Variants in MYOZ1 observed in about 807,000 individuals in gnomAD.
MYOZ1 encodes myozenin 1.
A neutral mutation model predicts 28.7 loss-of-function variants in MYOZ1; 20 were observed. The ratio of observed to expected loss-of-function variants is 0.70; its 90% CI spans 0.49 to 1.01. The LOEUF (loss-of-function observed/expected upper bound fraction) is 1.01. MYOZ1 is among the 50% of genes least tolerant of loss of function. The pLI is 0.00. For synonymous variants in MYOZ1, 144 were observed against 145.8 expected, an observed-to-expected ratio of 0.99 and a Z score of 0.09; for missense variants, 371 against 372.4, an observed-to-expected ratio of 1.00 and a Z score of 0.03.
At chr10:73,637,954 GA>G (rs2081677462) in intron 2 of MYOZ1, 32 bp from the exon 3 acceptor site, 1 of 1,590,558 alleles carries the variant, frequency 6.3e-7, no homozygotes, top group Non-Finnish European at 8.6e-7. Context: ...AGAATCAAGG[GA>G]AAGAGGAAAG....
rs768608490 is a variant in MYOZ1, at chr10:73,633,969, A to G, written c.599T>C (p.Met200Thr). The change falls in exon 5 of 6, where the codon ATG becomes ACG. Residue 200 changes from methionine (M) to threonine (T), a missense_variant. By Grantham distance (81) the Met-to-Thr change is moderately conservative. Coordinates refer to ENST00000359322, the MANE Select transcript of MYOZ1 (RefSeq NM_021245.4). ...RAMGVDPQQK[M>T]ELGIDLLAYG... Reference sequence around the variant, plus strand: ...GGCCAGCAGGTCAATGCCAAGTTCCATTTTTTGCTGGGGGTCAACCCCCAT... The same window carrying G: ...GGCCAGCAGGTCAATGCCAAGTTCCGTTTTTTGCTGGGGGTCAACCCCCAT... The G allele has an allele frequency of 6.2e-7, 1 of 1,613,970 alleles. No homozygotes were observed. Among genetic ancestry groups the G allele is most frequent in the South Asian group, 1.1e-5 (1 of 91,044 alleles).
rs529978462 is a variant in MYOZ1, at chr10:73,633,540, G to A, written c.668+360C>T. On this transcript the variant is annotated intron_variant, in intron 5 of 5. Coordinates refer to ENST00000359322, the MANE Select transcript of MYOZ1 (RefSeq NM_021245.4). ...GCCCAGGAGTTCGAGACCTGCCTGG[G>A]CGATATAGCGAGACCCCATTCTCCA... Among the ~76,000 whole-genome samples, 495 of 152,088 alleles carry A rather than the reference G, an allele frequency of 3.3e-3. 3 individuals carry two copies. The highest frequency in any genetic ancestry group is 0.011 in the African/African-American group (454 of 41,486).
Position 73,634,015 on chromosome 10 carries a change from T to C in MYOZ1, c.553A>G (p.Ile185Val), listed in dbSNP as rs759143446. Reference protein sequence around the residue: ...GKHITVFKTYISPWERAMGVD... With the variant: ...GKHITVFKTYVSPWERAMGVD... ...CCCATGGCTCGCTCCCATGGGGAAATATAGGTCTTGAACACAGTGATATGT... is the reference window on the plus strand; with the variant it reads ...CCCATGGCTCGCTCCCATGGGGAAACATAGGTCTTGAACACAGTGATATGT... The change falls in exon 5 of 6, where the codon ATT becomes GTT. Residue 185 changes from isoleucine (I) to valine (V), a missense_variant. Physicochemically the swap from Ile to Val is conservative, Grantham distance 29. Transcript: ENST00000359322. The C allele has an allele frequency of 2.5e-6, 4 of 1,613,936 alleles. No homozygotes were observed. The South Asian group carries it at 4.4e-5, about 18-fold the overall frequency.
In MYOZ1 at chr10:73,637,828, G is replaced by A; in HGVS notation, c.168C>T (p.Gly56=). ...LEELSLLTNR[G]SKMFKLRQMR... is the part of the protein sequence containing the mutation. ...TCTGCCGCAGTTTGAACATCTTGGA[G>A]CCCCGGTTGGTAAGCAGCGACAGTT... Residue 56 remains glycine, a synonymous_variant, in exon 3 of 6, where the codon GGC becomes GGT. Coordinates refer to ENST00000359322, the MANE Select transcript of MYOZ1 (RefSeq NM_021245.4). 6.2e-7 allele frequency: 1 copy of A among 1,614,112 alleles called. No individual in the cohort carries two copies.
Position 73,637,809 on chromosome 10 carries a change from G to C in MYOZ1, c.187C>G (p.Arg63Gly), listed in dbSNP as rs373490439. The C allele has an allele frequency of 1.9e-6, 3 of 1,613,952 alleles. No individual in the cohort carries two copies. The highest frequency in any genetic ancestry group is 2.5e-6 in the Non-Finnish European group (3 of 1,180,034). Residue 63 changes from arginine to glycine, a missense_variant, in exon 3 of 6, where the codon CGG becomes GGG. By Grantham distance (125) the Arg-to-Gly change is moderately radical. Transcript: ENST00000359322. Reference protein sequence around the residue: ...TNRGSKMFKLRQMRVEKFIYE... With the variant: ...TNRGSKMFKLGQMRVEKFIYE... ...ATAAACTTCTCCACCCTCATCTGCC[G>C]CAGTTTGAACATCTTGGAGCCCCGG...
chr10:73,637,385 C>T (rs972461472), intron 3 of MYOZ1, among the ~76,000 whole-genome samples: 1 of 152,150 alleles, frequency 6.6e-6, no homozygotes, highest in African/African-American at 2.4e-5. Flanking sequence ...GAGCATACTT[C>T]ACTAAAAAAT....
At chr10:73,640,946 C>G (rs2081700321) in intron 1 of MYOZ1, among the ~76,000 whole-genome samples, 1 of 152,216 alleles carries the variant, frequency 6.6e-6, no homozygotes, top group Non-Finnish European at 1.5e-5. Flanking sequence ...AGGTGTGGAA[C>G]TGGGAAGGGT....
chr10:73,634,163 A>G (rs2081652977), intron 4 of MYOZ1, 98 bp from the exon 5 acceptor site: 11 of 1,344,532 alleles, frequency 8.2e-6, no homozygotes, highest in Non-Finnish European at 1.0e-5. Context: ...TGCAAGAGCC[A>G]GGGACTAAAG....
chr10:73,637,719 G>A, intron 3 of MYOZ1, 25 bp downstream of exon 3: 1 of 1,594,416 alleles, frequency 6.3e-7, no homozygotes, highest in South Asian at 1.1e-5. Context: ...CAGGCTTTGA[G>A]ATAGTGATAA....
intron 5 of MYOZ1, among the ~76,000 whole-genome samples, chr10:73,632,913 C>A (rs904829352): frequency 6.6e-6 from 1 of 152,080 alleles, no homozygotes; most frequent in South Asian, 2.1e-4. Context: ...TACAAGAGTA[C>A]CTTTCTAGCT....
chr10:73,634,100 A>G (rs1295350890), intron 4 of MYOZ1, 35 bp from the exon 5 acceptor site: 1 of 1,613,278 alleles, frequency 6.2e-7, no homozygotes, highest in Non-Finnish European at 8.5e-7. Flanking sequence ...CAGTCAAATA[A>G]TAGCATTTAG....
chr10:73,637,974 T>C, intron 2 of MYOZ1, 52 bp from the exon 3 acceptor site: 2 of 1,558,514 alleles, frequency 1.3e-6, no homozygotes, highest in South Asian at 2.4e-5. Flanking sequence ...AGTAGGGTTT[T>C]CTGGGCTCAG....
rs1465294099 is a variant in MYOZ1 at position 73,633,877 on chromosome 10, G to T, written c.668+23C>A. 3.2e-6 allele frequency: 5 copies of T among 1,587,000 alleles called. No homozygotes were observed. The Admixed American group carries it at 7.4e-5, about 23-fold the overall frequency. ...CAGTGCCTCACACTAGAATGCATCT[G>T]GTTCCTTCCTCACCACCCCTACCTG... On this transcript the variant is annotated intron_variant, in intron 5 of 5. Transcript: ENST00000359322.
At position 73,631,989 on chromosome 10, in the gene MYOZ1, G is replaced by C; in HGVS notation, c.841C>G (p.Pro281Ala). 1 of 1,614,012 alleles carries C rather than the reference G, an allele frequency of 6.2e-7. No homozygotes were observed. Among genetic ancestry groups the C allele is most frequent in the Non-Finnish European group, 8.5e-7 (1 of 1,180,002 alleles). The change falls in exon 6 of 6, where the codon CCT becomes GCT. Residue 281 changes from proline (P) to alanine (A), a missense_variant. By Grantham distance (27) the Pro-to-Ala change is conservative. Coordinates refer to ENST00000359322, the MANE Select transcript of MYOZ1 (RefSeq NM_021245.4). ...CCAATATCCACGTTGTAGTCTACAG[G>C]CTCCCCAGAGCTCAGCCAGGGAATA... Reference protein sequence around the residue: ...TPIPWLSSGEPVDYNVDIGIP... With the variant: ...TPIPWLSSGEAVDYNVDIGIP...
intron 5 of MYOZ1, 50 bp downstream of exon 5, chr10:73,633,850 C>T (rs1295905939): frequency 9.1e-6 from 14 of 1,536,018 alleles, no homozygotes; most frequent in South Asian, 2.5e-5. Context: ...TAACTAAAGA[C>T]ACAGTGCCTC....
At chr10:73,638,184 T>A (rs1028862456) in intron 2 of MYOZ1, among the ~76,000 whole-genome samples, 7 of 150,946 alleles carry the variant, frequency 4.6e-5, no homozygotes, top group Admixed American at 4.0e-4. Flanking sequence ...GGGCATGGGG[T>A]ACAGAGCAAA....
intron 5 of MYOZ1, among the ~76,000 whole-genome samples, chr10:73,633,538 G>A (rs2081648713): frequency 6.6e-6 from 1 of 152,002 alleles, no homozygotes; most frequent in Admixed American, 6.6e-5. Flanking sequence ...AGACCTGCCT[G>A]GGCGATATAG....
intron 3 of MYOZ1, among the ~76,000 whole-genome samples, chr10:73,635,160 A>T (rs2081659876): frequency 6.6e-6 from 1 of 152,014 alleles, no homozygotes; most frequent in Non-Finnish European, 1.5e-5. Context: ...CCGACCTCAG[A>T]TGATCCACCC....
chr10:73,631,851 T>TG lies in MYOZ1; in HGVS notation c.*78dup, dbSNP rs1174316757. 8.2e-7 allele frequency: 1 copy of TG among 1,223,058 alleles called. No homozygotes were observed. The highest frequency in any genetic ancestry group is 1.5e-5 in the African/African-American group (1 of 66,694). The allele number at this position is 1,223,058 out of a possible 1,614,324, so 75.8% of individuals were successfully genotyped here. A position where few individuals can be genotyped will look rare whatever the true frequency, so the allele number is the denominator to read the frequency against. On this transcript the variant is annotated 3_prime_UTR_variant, in exon 6 of 6. Coordinates refer to ENST00000359322, the MANE Select transcript of MYOZ1 (RefSeq NM_021245.4). ...TCCCATAAGGATACTGGATTAACAA[T>TG]GGGGGCTATCTGCTCAGCATTCCCT...
Sources: gnomAD v4.1 joint callset for allele counts (sites outside exome capture counted in the v4.1 genomes callset) on GRCh38, gnomAD v4.1.1 for gene constraint, MANE v1.5 for transcripts, NCBI Gene and HGNC (gene_info 2026-07-23, HGNC 2026-07-21) for gene names.